LAMA2: variants seen among roughly 807,000 people sequenced by gnomAD.
LAMA2 encodes laminin subunit alpha-2.
LAMA2 carries 269 observed loss-of-function variants against 364.8 expected under a neutral mutation model. That is an observed-to-expected ratio of 0.74 (90% confidence interval 0.67 to 0.82). The LOEUF (loss-of-function observed/expected upper bound fraction) is 0.82, where lower values mean the gene tolerates loss of function less well. Ranked by LOEUF, LAMA2 falls within the 40% of genes least tolerant of loss-of-function variation. The pLI is 0.00. For missense variants in LAMA2, 3,807 were observed against 3,873.2 expected (o/e 0.98, Z 0.45); for synonymous variants, 1,379 against 1,370.6 (o/e 1.01, Z -0.14).
At chr6:128,891,046 T>C (rs1375752785) in intron 1 of LAMA2, among the ~76,000 whole-genome samples, 3 of 152,128 alleles carry the variant, frequency 2.0e-5, no homozygotes, top group Admixed American at 2.0e-4. Flanking sequence ...CCAGTGCACA[T>C]GTACCATTTA....
intron 18 of LAMA2, among the ~76,000 whole-genome samples, chr6:129,284,975 A>G (rs1788999247): frequency 6.6e-6 from 1 of 152,170 alleles, no homozygotes; most frequent in African/African-American, 2.4e-5. Context: ...TTCATTCGAT[A>G]AACTATTTTT....
At position 129,507,545 on chromosome 6, in the gene LAMA2, C is replaced by T. The variant is rs781063563; in HGVS notation, c.8760C>T (p.Ala2920=). The T allele has an allele frequency of 4.3e-6, 7 of 1,614,028 alleles. No homozygotes were observed. Among genetic ancestry groups the T allele is most frequent in the South Asian group, 3.3e-5 (3 of 91,092 alleles). The part of the protein sequence containing the change: ...VRNLHMAEAP[A]DLEQPTSSFH... ...ATCTCCACATGGCAGAGGCCCCTGC[C>T]GATCTGGAACAACCCACCTCCAGCT... The change falls in exon 62 of 65, where the codon GCC becomes GCT. Residue 2920 remains alanine (A), a synonymous_variant. Coordinates refer to ENST00000421865, the MANE Select transcript of LAMA2 (RefSeq NM_000426.4).
chr6:129,246,773 C>T (rs1785780288), intron 12 of LAMA2, among the ~76,000 whole-genome samples: 1 of 151,968 alleles, frequency 6.6e-6, no homozygotes, highest in Admixed American at 6.6e-5. Context: ...GAAGCGAGGG[C>T]AAGGAGGCAC....
At chr6:129,108,723 CTT>C (rs1325770359) in intron 4 of LAMA2, among the ~76,000 whole-genome samples, 6 of 152,122 alleles carry the variant, frequency 3.9e-5, no homozygotes, top group Non-Finnish European at 8.8e-5. Context: ...ATAATAGTAA[CTT>C]ATATGCATAA....
intron 55 of LAMA2, among the ~76,000 whole-genome samples, chr6:129,485,212 C>T (rs1784535212): frequency 6.6e-6 from 1 of 151,996 alleles, no homozygotes; most frequent in Admixed American, 6.6e-5. Flanking sequence ...TCATCATTGC[C>T]AGATATTTAA....
chr6:129,436,516 C>T (rs1301469397), intron 41 of LAMA2, among the ~76,000 whole-genome samples: 1 of 151,852 alleles, frequency 6.6e-6, no homozygotes, highest in Admixed American at 6.6e-5. Context: ...TTTTTTATTA[C>T]AAATGAAGAG....
At position 129,316,046 on chromosome 6, in the gene LAMA2, G is replaced by T; in HGVS notation, c.3933G>T (p.Trp1311Cys). 4 of 1,614,026 alleles carry T rather than the reference G, an allele frequency of 2.5e-6. No homozygotes were observed. Among genetic ancestry groups the T allele is most frequent in the Non-Finnish European group, 3.4e-6 (4 of 1,179,968 alleles). Residue 1311 changes from tryptophan to cysteine, a missense_variant, in exon 27 of 65, where the codon TGG becomes TGT. By Grantham distance (215) the Trp-to-Cys change is radical (BLOSUM62 -2). This residue lies in a region of LAMA2 where 3,333 missense variants were observed against 3,345.7 expected (regional missense o/e 1.00). Coordinates refer to ENST00000421865, the MANE Select transcript of LAMA2 (RefSeq NM_000426.4). ...TCTCTTCTTGTTAACAGAAAGAATGGAAATATTATGGGGATGATCCTCGAG... is the reference window on the plus strand; with the variant it reads ...TCTCTTCTTGTTAACAGAAAGAATGTAAATATTATGGGGATGATCCTCGAG... The part of the protein sequence containing the change: ...RHEIEMTEKE[W>C]KYYGDDPRVH...
rs1189690006 is a variant in LAMA2, at chr6:128,883,795, T to TACACACAC, written c.112+439_112+440insCACACACA. 3.0e-3 allele frequency among the ~76,000 whole-genome samples: 404 copies of TACACACAC among 132,666 alleles called. 3 individuals are homozygous for TACACACAC. The highest frequency in any genetic ancestry group is 0.013 in the African/African-American group (379 of 29,842). 87.0% of individuals were successfully genotyped at this position (132,666 alleles called of 152,430 possible). A position where few individuals can be genotyped will look rare whatever the true frequency, so the allele number is the denominator to read the frequency against. On this transcript the variant is annotated intron_variant, in intron 1 of 64. Transcript: ENST00000421865. ...ATGCATCAAAAAAAAATTATATATA[T>TACACACAC]ATATATACACACACACACACACACA...
Position 129,049,980 on chromosome 6 carries a change from G to A in LAMA2, c.175G>A (p.Gly59Arg). 1 of 1,613,858 alleles carries A rather than the reference G, an allele frequency of 6.2e-7. No homozygotes were observed. Among genetic ancestry groups the A allele is most frequent in the Non-Finnish European group, 8.5e-7 (1 of 1,179,814 alleles). The change falls in exon 2 of 65, where the codon GGA becomes AGA. Residue 59 changes from glycine (G) to arginine (R), a missense_variant. Transcript: ENST00000421865. ...NALITTNATC[G>R]EKGPEMYCKL... is the part of the protein sequence containing the mutation. ...TCTTATCACGACCAATGCAACATGT[G>A]GAGAAAAAGGACCTGAAATGTACTG...
Position 129,098,435 on chromosome 6 carries a change from C to A in LAMA2, c.639+20C>A. The A allele has an allele frequency of 1.2e-6, 2 of 1,613,154 alleles. No individual in the cohort carries two copies. The highest frequency in any genetic ancestry group is 1.1e-5 in the South Asian group (1 of 90,878). On this transcript the variant is annotated intron_variant, in intron 4 of 64. Transcript: ENST00000421865. ...GGAGAGGTAAGATGAGAAAACTCAC[C>A]ATTTAAGCACATTTGATACGGTGAA...
intron 1 of LAMA2, among the ~76,000 whole-genome samples, chr6:128,919,567 A>G (rs1445449695): frequency 6.6e-6 from 1 of 152,232 alleles, no homozygotes; most frequent in East Asian, 1.9e-4. Flanking sequence ...TTACAGGCTT[A>G]CAGCCAACAC....
chr6:129,455,722 T>C (rs1388532408), intron 47 of LAMA2, among the ~76,000 whole-genome samples: 2 of 152,222 alleles, frequency 1.3e-5, no homozygotes. Flanking sequence ...TGAACTTCTA[T>C]GCAATTTGTA....
At chr6:128,947,771 G>C (rs1780570823) in intron 1 of LAMA2, among the ~76,000 whole-genome samples, 1 of 152,100 alleles carries the variant, frequency 6.6e-6, no homozygotes, top group Non-Finnish European at 1.5e-5. Flanking sequence ...TAGAGATTGT[G>C]GGACATAGAG....
intron 1 of LAMA2, 40 bp from the exon 2 acceptor site, chr6:129,049,878 G>T (rs1787870055): frequency 6.3e-7 from 1 of 1,578,424 alleles, no homozygotes. Context: ...TCCTAACTTT[G>T]TTTCTGGTCT....
At chr6:129,220,960 A>C (rs1783787776) in intron 12 of LAMA2, among the ~76,000 whole-genome samples, 1 of 152,100 alleles carries the variant, frequency 6.6e-6, no homozygotes. Context: ...TCAGGAGTTC[A>C]AGACCAGCCT....
intron 10 of LAMA2, among the ~76,000 whole-genome samples, chr6:129,181,096 C>T (rs1780899296): frequency 1.3e-5 from 2 of 152,084 alleles, no homozygotes; most frequent in Non-Finnish European, 2.9e-5. Flanking sequence ...TTGTGTAGGA[C>T]CGAATCCCCA....
intron 8 of LAMA2, among the ~76,000 whole-genome samples, chr6:129,161,319 T>C (rs1286715352): frequency 6.6e-6 from 1 of 152,098 alleles, no homozygotes; most frequent in Non-Finnish European, 1.5e-5. Flanking sequence ...AATAGATGGA[T>C]TTTTTATCCT....
At chr6:129,442,084 T>A (rs994095901) in intron 43 of LAMA2, 12 of 556,286 alleles carry the variant, frequency 2.2e-5, no homozygotes, top group Non-Finnish European at 3.3e-5. Flanking sequence ...ACTAGCCCTC[T>A]TTATATGCCA....
In LAMA2 at chr6:128,883,243, A is replaced by G. The variant is rs764267708; in HGVS notation, c.-3A>G. On this transcript the variant is annotated 5_prime_UTR_variant, in exon 1 of 65. Transcript: ENST00000421865. ...AGAAGTGGATCCGGTCGCGGCCACT[A>G]CGATGCCGGGAGCCGCCGGGGTCCT... The G allele has an allele frequency of 1.3e-6, 2 of 1,551,092 alleles. No homozygotes were observed. The highest frequency in any genetic ancestry group is 1.7e-6 in the Non-Finnish European group (2 of 1,148,090).
Sources: gnomAD v4.1 joint callset for allele counts (sites outside exome capture counted in the v4.1 genomes callset) on GRCh38, gnomAD v4.1.1 for gene constraint, gnomAD v4.1.1 regional missense constraint, MANE v1.5 for transcripts, NCBI Gene and HGNC (gene_info 2026-07-23, HGNC 2026-07-21) for gene names.